CNKSR2: variants seen among roughly 807,000 people sequenced by gnomAD.
CNKSR2 encodes the protein CNK homolog protein 2.
A neutral mutation model predicts 84.4 loss-of-function variants in CNKSR2; 14 were observed. That is an observed-to-expected ratio of 0.17 (90% CI 0.11 to 0.26). The LOEUF (loss-of-function observed/expected upper bound fraction) is 0.26. Among genes scored for constraint, CNKSR2 ranks in the 10% least tolerant of loss-of-function variants. The pLI is 1.00. For synonymous variants in CNKSR2, 275 were observed against 277.9 expected, an observed-to-expected ratio of 0.99 and a Z score of 0.10; for missense variants, 485 against 771.2, an observed-to-expected ratio of 0.63 and a Z score of 4.40.
chrX:21,451,638 A>G (rs1302633874), intron 4 of CNKSR2, among the ~76,000 whole-genome samples: 1 of 96,123 alleles, frequency 1.0e-5, no homozygotes, highest in African/African-American at 3.9e-5. Context: ...CATAGGTGGG[A>G]ATTGAACAGT....
chrX:21,642,601 A>G (rs188401153), intron 20 of CNKSR2: 3 of 744,274 alleles, frequency 4.0e-6, no homozygotes, highest in Non-Finnish European at 3.2e-6. Flanking sequence ...ATACTGTGCA[A>G]TGAACAGATA....
chrX:21,572,941 T>TA (rs1334079836), intron 13 of CNKSR2, among the ~76,000 whole-genome samples: 1 of 111,707 alleles, frequency 9.0e-6, no homozygotes, highest in African/African-American at 3.3e-5. Context: ...TCCAAAGTCT[T>TA]ACCTGAGACA....
At chrX:21,623,842 A>G (rs1363520563) in intron 20 of CNKSR2, among the ~76,000 whole-genome samples, 1 of 111,963 alleles carries the variant, frequency 8.9e-6, no homozygotes, top group African/African-American at 3.2e-5. Flanking sequence ...TAATTATAAT[A>G]TGGATAATTT....
chrX:21,437,419 GTTT>G (rs749717203), intron 3 of CNKSR2, among the ~76,000 whole-genome samples: 1 of 86,563 alleles, frequency 1.2e-5, no homozygotes, highest in Admixed American at 1.3e-4. Flanking sequence ...TCTCTATGTA[GTTT>G]TTTTTTTTTT....
chrX:21,566,485 T>G (rs1439752624), intron 13 of CNKSR2, among the ~76,000 whole-genome samples: 1 of 112,009 alleles, frequency 8.9e-6, no homozygotes, highest in Non-Finnish European at 1.9e-5. Flanking sequence ...GCTTTCATGA[T>G]GAACCACTAA....
At chrX:21,590,209 GCTTA>G (rs2092412156) in intron 13 of CNKSR2, among the ~76,000 whole-genome samples, 1 of 111,855 alleles carries the variant, frequency 8.9e-6, no homozygotes, top group South Asian at 3.7e-4. Flanking sequence ...ATATTTTCCT[GCTTA>G]CTTCATTAGA....
Position 21,374,618 on chromosome X carries a change from AGCAGCAGCAGCAGCCGCCGCC to A in CNKSR2, c.-277_-257del. The A allele has an allele frequency of 2.0e-6, 1 of 507,857 alleles. No individual in the cohort carries two copies. Among genetic ancestry groups the A allele is most frequent in the Non-Finnish European group, 3.5e-6 (1 of 289,576 alleles). The allele number at this position is 507,857 out of a possible 1,213,427, so 41.9% of individuals were successfully genotyped here. A position where few individuals can be genotyped will look rare whatever the true frequency, so the allele number is the denominator to read the frequency against. On this transcript the variant is annotated 5_prime_UTR_variant, in exon 1 of 22. Transcript: ENST00000379510. Reference sequence around the variant, plus strand: ...AGGCAGCAGCAGCAGCAGCAGCAGCAGCAGCAGCAGCAGCCGCCGCCGCCGCCGCCTTAGCGGGAACTGAGC... The same window carrying A: ...AGGCAGCAGCAGCAGCAGCAGCAGCAGCCGCCGCCTTAGCGGGAACTGAGC...
chrX:21,571,275 C>T (rs1455182673), intron 13 of CNKSR2, among the ~76,000 whole-genome samples: 5 of 111,787 alleles, frequency 4.5e-5, no homozygotes, highest in Non-Finnish European at 1.9e-5. Context: ...GTGAGAATTA[C>T]CAAAATATGA....
intron 4 of CNKSR2, among the ~76,000 whole-genome samples, chrX:21,451,851 TAATAA>T (rs765910057): frequency 1.1e-4 from 12 of 110,471 alleles, no homozygotes; most frequent in East Asian, 8.6e-4. Flanking sequence ...AGTATAATAA[TAATAA>T]AATAAAATAA....
At chrX:21,544,307 T>G (rs2147147927) in intron 11 of CNKSR2, among the ~76,000 whole-genome samples, 1 of 111,347 alleles carries the variant, frequency 9.0e-6, no homozygotes, top group Admixed American at 9.6e-5. Flanking sequence ...CTCATCCAAA[T>G]CCTCTTAAGC....
intron 8 of CNKSR2, chrX:21,506,698 T>G (rs978422603): frequency 8.9e-6 from 1 of 111,810 alleles, no homozygotes; most frequent in African/African-American, 3.2e-5. Context: ...CTCTGCATCC[T>G]GATTTGTTTC....
chrX:21,499,036 T>G (rs2091531596), intron 7 of CNKSR2, among the ~76,000 whole-genome samples: 1 of 111,866 alleles, frequency 8.9e-6, no homozygotes, highest in South Asian at 3.7e-4. Flanking sequence ...AGGTGAAACA[T>G]ATATATTTGC....
chrX:21,472,303 G>A (rs1039772932), intron 5 of CNKSR2, among the ~76,000 whole-genome samples: 1 of 111,834 alleles, frequency 8.9e-6, no homozygotes, highest in African/African-American at 3.3e-5. Flanking sequence ...TTCGACTTTG[G>A]TATGCTGCTG....
At chrX:21,450,693 C>G (rs1225168779) in intron 4 of CNKSR2, among the ~76,000 whole-genome samples, 1 of 111,514 alleles carries the variant, frequency 9.0e-6, no homozygotes, top group African/African-American at 3.3e-5. Context: ...GAAAAAATGC[C>G]TCCCATTGCT....
intron 4 of CNKSR2, among the ~76,000 whole-genome samples, chrX:21,457,284 A>C (rs934108759): frequency 9.0e-6 from 1 of 111,323 alleles, no homozygotes; most frequent in Admixed American, 9.6e-5. Flanking sequence ...ATATTGTACT[A>C]TATACACATT....
intron 1 of CNKSR2, among the ~76,000 whole-genome samples, chrX:21,418,057 T>G (rs1013599131): frequency 7.2e-5 from 8 of 111,529 alleles, no homozygotes; most frequent in African/African-American, 2.6e-4. Flanking sequence ...TTTCTTGGTT[T>G]GAGGTTCCCA....
intron 8 of CNKSR2, among the ~76,000 whole-genome samples, chrX:21,514,758 G>T (rs950024488): frequency 1.8e-5 from 2 of 111,473 alleles, no homozygotes; most frequent in Admixed American, 9.6e-5. Flanking sequence ...ACAAAATGTG[G>T]TTATCATTAA....
At chrX:21,523,605 A>G (rs2091805858) in intron 9 of CNKSR2, among the ~76,000 whole-genome samples, 2 of 110,257 alleles carry the variant, frequency 1.8e-5, no homozygotes, top group African/African-American at 3.3e-5. Context: ...TATCCTCCTC[A>G]TTCGATTTTT....
At chrX:21,608,399 A>G (rs1383338608) in intron 19 of CNKSR2, among the ~76,000 whole-genome samples, 1 of 111,844 alleles carries the variant, frequency 8.9e-6, no homozygotes, top group Non-Finnish European at 1.9e-5. Flanking sequence ...TTGTGCTATA[A>G]CATATAGTCC....
Sources: gnomAD v4.1 joint callset for allele counts (sites outside exome capture counted in the v4.1 genomes callset) on GRCh38, gnomAD v4.1.1 for gene constraint, MANE v1.5 for transcripts, NCBI Gene and HGNC (gene_info 2026-07-23, HGNC 2026-07-21) for gene names.